THSD7A: variants seen among roughly 807,000 people sequenced by gnomAD.
THSD7A encodes thrombospondin type-1 domain-containing protein 7A.
In THSD7A, 96 loss-of-function variants were observed where a neutral mutation model predicts 231.3. The observed-to-expected ratio is 0.41, with a 90% confidence interval of 0.35 to 0.49. The LOEUF is 0.49. THSD7A is among the 20% of genes least tolerant of loss of function. The pLI is 0.05. For missense variants in THSD7A, 2,290 were observed against 2,070.2 expected, an observed-to-expected ratio of 1.11 and a Z score of -2.06; for synonymous variants, 940 against 743.3, an observed-to-expected ratio of 1.26 and a Z score of -4.30.
At chr7:11,739,870 G>C (rs934522165) in intron 1 of THSD7A, among the ~76,000 whole-genome samples, 1 of 151,958 alleles carries the variant, frequency 6.6e-6, no homozygotes, top group African/African-American at 2.4e-5. Context: ...AAGGATGCAG[G>C]AATAAGGGAA....
chr7:11,582,250 A>G (rs116910776), intron 4 of THSD7A, among the ~76,000 whole-genome samples: 3,445 of 151,862 alleles, frequency 0.023, 66 homozygotes, highest in Non-Finnish European at 0.039. Context: ...TGATTATATT[A>G]GTGTATAATA....
At chr7:11,508,672 T>C (rs903458810) in intron 6 of THSD7A, among the ~76,000 whole-genome samples, 1 of 152,198 alleles carries the variant, frequency 6.6e-6, no homozygotes. Context: ...TTATTCACAA[T>C]TGTCAACATG....
chr7:11,633,832 T>A (rs898568912), intron 2 of THSD7A, among the ~76,000 whole-genome samples: 1 of 152,198 alleles, frequency 6.6e-6, no homozygotes, highest in Non-Finnish European at 1.5e-5. Context: ...AGATTCTTGG[T>A]TTTATTTAGT....
intron 4 of THSD7A, among the ~76,000 whole-genome samples, chr7:11,554,378 A>T (rs372659118): frequency 5.9e-5 from 9 of 152,066 alleles, no homozygotes; most frequent in East Asian, 3.9e-4. Flanking sequence ...TTGCCAGTAG[A>T]CCATTTGTTC....
intron 1 of THSD7A, among the ~76,000 whole-genome samples, chr7:11,827,679 T>C (rs1355403993): frequency 6.6e-6 from 1 of 152,146 alleles, no homozygotes; most frequent in Non-Finnish European, 1.5e-5. Flanking sequence ...GCTTGAAATA[T>C]ACATTTATTG....
chr7:11,471,830 T>C (rs1047445342), intron 8 of THSD7A, among the ~76,000 whole-genome samples: 1 of 152,142 alleles, frequency 6.6e-6, no homozygotes, highest in African/African-American at 2.4e-5. Context: ...CCACATATAA[T>C]TCAGTTAATT....
chr7:11,812,222 T>C (rs1346298856), intron 1 of THSD7A, among the ~76,000 whole-genome samples: 1 of 151,602 alleles, frequency 6.6e-6, no homozygotes, highest in African/African-American at 2.4e-5. Context: ...ATGAAGAAGA[T>C]TTAGAAAGTT....
chr7:11,672,833 T>C (rs1401033587), intron 1 of THSD7A, among the ~76,000 whole-genome samples: 1 of 152,196 alleles, frequency 6.6e-6, no homozygotes, highest in Non-Finnish European at 1.5e-5. Context: ...CATGCTTCTC[T>C]CATTTTGAAT....
chr7:11,427,405 A>T (rs953553834), intron 14 of THSD7A, among the ~76,000 whole-genome samples: 4 of 152,168 alleles, frequency 2.6e-5, no homozygotes, highest in African/African-American at 9.6e-5. Context: ...GTCAACCGAT[A>T]CCAAGTCACA....
chr7:11,543,895 T>A (rs765280142), intron 4 of THSD7A, among the ~76,000 whole-genome samples: 1 of 152,130 alleles, frequency 6.6e-6, no homozygotes. Flanking sequence ...GTTCTGGACA[T>A]AGAACTAACT....
chr7:11,442,604 G>C (rs569466826), intron 13 of THSD7A, among the ~76,000 whole-genome samples: 25 of 152,180 alleles, frequency 1.6e-4, no homozygotes, highest in African/African-American at 5.3e-4. Context: ...ATTAGGGGAT[G>C]ACTGGGATAG....
intron 1 of THSD7A, among the ~76,000 whole-genome samples, chr7:11,792,158 T>A (rs1783970878): frequency 6.6e-6 from 1 of 151,994 alleles, no homozygotes; most frequent in South Asian, 2.1e-4. Context: ...TCTCTAAATA[T>A]CACTCTTTCA....
chr7:11,482,095 A>G, intron 6 of THSD7A, 113 bp from the exon 7 acceptor site: 1 of 1,198,588 alleles, frequency 8.3e-7, no homozygotes, highest in Non-Finnish European at 1.1e-6. Context: ...GCTCTTACTT[A>G]AAAAAACGTA....
intron 1 of THSD7A, among the ~76,000 whole-genome samples, chr7:11,808,104 G>A (rs1784442901): frequency 6.6e-6 from 1 of 152,042 alleles, no homozygotes. Context: ...ATCCTAAGCT[G>A]TTCTGATTAC....
chr7:11,545,844 C>T (rs1789358052), intron 4 of THSD7A, among the ~76,000 whole-genome samples: 2 of 152,128 alleles, frequency 1.3e-5, no homozygotes, highest in Admixed American at 1.3e-4. Flanking sequence ...CAAAGATGTC[C>T]TTCTCCCAAG....
At chr7:11,675,172 A>T (rs1314592763) in intron 1 of THSD7A, among the ~76,000 whole-genome samples, 1 of 151,252 alleles carries the variant, frequency 6.6e-6, no homozygotes, top group African/African-American at 2.4e-5. Flanking sequence ...GGGTCAGGGA[A>T]CTCCCTCCCC....
intron 4 of THSD7A, among the ~76,000 whole-genome samples, chr7:11,550,787 A>C (rs6942629): frequency 0.23 from 34,985 of 152,120 alleles, 4,664 homozygotes; most frequent in African/African-American, 0.37. Context: ...AACAATTTAC[A>C]GATCCAGTTC....
chr7:11,413,249 C>A (rs946650206), intron 17 of THSD7A, among the ~76,000 whole-genome samples: 3 of 151,806 alleles, frequency 2.0e-5, no homozygotes, highest in African/African-American at 7.3e-5. Context: ...TGCATATAAA[C>A]AATTCTAATT....
chr7:11,685,788 C>A (rs1165733622), intron 1 of THSD7A, among the ~76,000 whole-genome samples: 1 of 151,818 alleles, frequency 6.6e-6, no homozygotes, highest in Non-Finnish European at 1.5e-5. Context: ...ATTAAATTAG[C>A]CCCTGTGCAA....
Sources: allele counts gnomAD v4.1 joint callset (sites outside exome capture counted in the v4.1 genomes callset), GRCh38; gene constraint gnomAD v4.1.1; transcripts MANE v1.5; gene names NCBI Gene and HGNC (gene_info 2026-07-23, HGNC 2026-07-21).